The following ANKRD44 variants were observed in gnomAD, a reference collection of about 807,000 sequenced individuals.
The protein encoded by ANKRD44 is serine/threonine-protein phosphatase 6 regulatory ankyrin repeat subunit B.
ANKRD44 carries 35 observed loss-of-function variants against 116.0 expected under a neutral mutation model. The observed-to-expected ratio is 0.30, with a 90% CI of 0.23 to 0.40. ANKRD44 has a LOEUF of 0.40. Among genes scored for constraint, ANKRD44 ranks in the 10% least tolerant of loss-of-function variants. The pLI is 1.00. For missense variants in ANKRD44, 1,014 were observed against 1,242.6 expected, an observed-to-expected ratio of 0.82 and a Z score of 2.77; for synonymous variants, 435 against 461.8, an observed-to-expected ratio of 0.94 and a Z score of 0.74.
chr2:197,139,644 TATAG>T (rs1188679695), intron 3 of ANKRD44, among the ~76,000 whole-genome samples: 1 of 150,976 alleles, frequency 6.6e-6, no homozygotes, highest in African/African-American at 2.4e-5. Context: ...TAGATATAGA[TATAG>T]ATATATATAT....
intron 1 of ANKRD44, among the ~76,000 whole-genome samples, chr2:197,282,983 T>C (rs1035510002): frequency 6.6e-6 from 1 of 152,232 alleles, no homozygotes; most frequent in Non-Finnish European, 1.5e-5. Context: ...CTAATGGTAT[T>C]CTATATCTGT....
chr2:197,211,400 TAACTTA>T (rs2081320190), intron 1 of ANKRD44, among the ~76,000 whole-genome samples: 1 of 152,156 alleles, frequency 6.6e-6, no homozygotes, highest in African/African-American at 2.4e-5. Context: ...AAAATTTCAA[TAACTTA>T]GCCAAGGAGC....
chr2:197,019,567 TG>T (rs1294494563), intron 17 of ANKRD44, among the ~76,000 whole-genome samples: 2 of 152,208 alleles, frequency 1.3e-5, no homozygotes, highest in Non-Finnish European at 1.5e-5. Flanking sequence ...GTGGAGGAGC[TG>T]GGTTTCAAAG....
At chr2:197,124,178 T>C (rs980202484) in intron 6 of ANKRD44, among the ~76,000 whole-genome samples, 5 of 152,170 alleles carry the variant, frequency 3.3e-5, no homozygotes, top group Admixed American at 2.0e-4. Context: ...TTTTTTTAAA[T>C]GCTAATGCTT....
In ANKRD44 at chr2:197,008,299, A is replaced by G. The variant is rs897939253; in HGVS notation, c.2013-376T>C. ...GAGCAGCTCTACTTTGTAGTATTCT[A>G]TGTTGGACTTCTGCTAAAGATTTCA... is the stretch of plus-strand genomic sequence containing the variant. On this transcript the variant is annotated intron_variant, in intron 19 of 27. Coordinates refer to ENST00000282272, the MANE Select transcript of ANKRD44 (RefSeq NM_001195144.2). 5.9e-5 allele frequency among the ~76,000 whole-genome samples: 9 copies of G among 152,294 alleles called. No individual in the cohort carries two copies. In the South Asian group the frequency reaches 8.3e-4, roughly 14 times the overall value.
chr2:197,140,752 C>T (rs2125406243), intron 3 of ANKRD44, among the ~76,000 whole-genome samples: 2 of 152,148 alleles, frequency 1.3e-5, no homozygotes, highest in Middle Eastern at 6.8e-3. Flanking sequence ...ATAACAAGAA[C>T]AAAGGGACAC....
intron 27 of ANKRD44, 98 bp from the exon 28 acceptor site, chr2:196,989,747 C>G: frequency 1.3e-6 from 2 of 1,517,876 alleles, no homozygotes; most frequent in Non-Finnish European, 1.8e-6. Flanking sequence ...TTTCTACTTT[C>G]TGCTTTCACT....
chr2:197,251,078 T>C (rs961788702), intron 1 of ANKRD44: 83 of 152,352 alleles, frequency 5.4e-4, no homozygotes, highest in African/African-American at 1.9e-3. Flanking sequence ...TATTTTTAAA[T>C]GTTTTTTAAA....
chr2:197,078,969 T>TTG (rs59690082), intron 15 of ANKRD44, among the ~76,000 whole-genome samples, 155 bp from the exon 16 acceptor site: 4,027 of 147,126 alleles, frequency 0.027, 172 homozygotes, highest in African/African-American at 0.087. Flanking sequence ...GTGTTGAAAA[T>TTG]TGTGTGTGTG....
chr2:197,147,179 C>T, intron 2 of ANKRD44, 74 bp from the exon 3 acceptor site: 2 of 1,281,104 alleles, frequency 1.6e-6, no homozygotes, highest in Admixed American at 1.7e-5. Flanking sequence ...CATAGTAAGA[C>T]GTGTCACTCA....
At chr2:197,005,281 A>G (rs2076182105) in intron 21 of ANKRD44, among the ~76,000 whole-genome samples, 1 of 152,216 alleles carries the variant, frequency 6.6e-6, no homozygotes, top group African/African-American at 2.4e-5. Flanking sequence ...ACAAACACCA[A>G]AAGATGAACC....
chr2:197,137,101 C>G (rs1008074173), intron 3 of ANKRD44, among the ~76,000 whole-genome samples: 3 of 152,194 alleles, frequency 2.0e-5, no homozygotes, highest in Non-Finnish European at 2.9e-5. Context: ...GTTCACCCGC[C>G]TTCCATGACA....
At chr2:197,251,366 C>A (rs1417433869) in intron 1 of ANKRD44, among the ~76,000 whole-genome samples, 4 of 152,032 alleles carry the variant, frequency 2.6e-5, no homozygotes, top group African/African-American at 9.7e-5. Context: ...AGAATAAATT[C>A]CAGGGAGTGG....
At chr2:197,034,152 A>T (rs1042241756) in intron 16 of ANKRD44, among the ~76,000 whole-genome samples, 5 of 151,144 alleles carry the variant, frequency 3.3e-5, no homozygotes. Context: ...GGAAAACAAC[A>T]TTGCTCTACA....
intron 9 of ANKRD44, among the ~76,000 whole-genome samples, chr2:197,103,261 G>GT (rs2078344981): frequency 6.6e-6 from 1 of 150,976 alleles, no homozygotes; most frequent in South Asian, 2.1e-4. Context: ...GGGGAGGAAT[G>GT]TATTAGTCTT....
chr2:196,972,723 T>A (rs1312186131), intron 21 of ANKRD44, among the ~76,000 whole-genome samples: 1 of 152,184 alleles, frequency 6.6e-6, no homozygotes, highest in East Asian at 1.9e-4. Context: ...TTGATTAGGA[T>A]TTTTTTCTGA....
At chr2:197,009,893 C>T (rs1222724220) in intron 18 of ANKRD44, among the ~76,000 whole-genome samples, 6 of 152,086 alleles carry the variant, frequency 3.9e-5, no homozygotes, top group South Asian at 2.1e-4. Flanking sequence ...TGTCATGGGA[C>T]TAATAATCTC....
At chr2:197,016,813 T>G (rs1212567887) in intron 17 of ANKRD44, among the ~76,000 whole-genome samples, 2 of 152,210 alleles carry the variant, frequency 1.3e-5, no homozygotes, top group African/African-American at 4.8e-5. Context: ...TCACTCGCAC[T>G]TTTTATTTTT....
intron 1 of ANKRD44, among the ~76,000 whole-genome samples, chr2:197,306,884 A>T (rs2084089056): frequency 1.3e-5 from 2 of 152,218 alleles, no homozygotes; most frequent in Non-Finnish European, 2.9e-5. Context: ...CCACCTGCTG[A>T]AACAGTTTGT....
Sources: gnomAD v4.1 joint callset for allele counts (sites outside exome capture counted in the v4.1 genomes callset) on GRCh38, gnomAD v4.1.1 for gene constraint, MANE v1.5 for transcripts, NCBI Gene and HGNC (gene_info 2026-07-23, HGNC 2026-07-21) for gene names.